The following CNTN3 variants were observed in gnomAD, a reference collection of about 807,000 sequenced individuals.
The protein encoded by CNTN3 is contactin 3, also known as contactin-3.
CNTN3 carries 60 observed loss-of-function variants against 119.1 expected under a neutral mutation model. The ratio of observed to expected loss-of-function variants is 0.50; its 90% CI spans 0.41 to 0.62. The LOEUF is 0.62. Among genes scored for constraint, CNTN3 ranks in the 20% least tolerant of loss-of-function variants. The pLI is 0.00. For missense variants in CNTN3, 1,101 were observed against 1,242.4 expected, an observed-to-expected ratio of 0.89 and a Z score of 1.71; for synonymous variants, 450 against 438.7, an observed-to-expected ratio of 1.03 and a Z score of -0.32.
Position 74,369,355 on chromosome 3 carries a change from A to G in CNTN3, c.780T>C (p.Asn260=), listed in dbSNP as rs773155335. The change falls in exon 8 of 23, where the codon AAT becomes AAC. Residue 260 remains asparagine, a synonymous_variant. Coordinates refer to ENST00000263665, the MANE Select transcript of CNTN3 (RefSeq NM_020872.3). ...ATGGCAGCCCATCACTTCTTCTCCAATTAATCTGAGGTATGGGACTAAGAA... is the reference window on the plus strand; with the variant it reads ...ATGGCAGCCCATCACTTCTTCTCCAGTTAATCTGAGGTATGGGACTAAGAA... The part of the protein sequence containing the change: ...FALGNPIPQI[N]WRRSDGLPFS... 11 of 1,602,560 alleles carry G rather than the reference A, an allele frequency of 6.9e-6. No individual in the cohort carries two copies. The South Asian group carries it at 1.0e-4, about 15-fold the overall frequency.
At chr3:74,349,384 A>G (rs776182511) in intron 11 of CNTN3, among the ~76,000 whole-genome samples, 22 of 152,214 alleles carry the variant, frequency 1.4e-4, no homozygotes, top group Non-Finnish European at 4.4e-5. Flanking sequence ...AGCTCCAGGA[A>G]GGCTTCCCAT....
chr3:74,266,720 T>C (rs1701668716), intron 21 of CNTN3, 71 bp from the exon 22 acceptor site: 2 of 1,410,976 alleles, frequency 1.4e-6, no homozygotes, highest in Non-Finnish European at 9.9e-7. Flanking sequence ...AATTTGTCTC[T>C]CTGAAATTAA....
At chr3:74,312,723 G>C (rs1019618820) in intron 13 of CNTN3, among the ~76,000 whole-genome samples, 12 of 151,986 alleles carry the variant, frequency 7.9e-5, no homozygotes, top group Admixed American at 2.6e-4. Flanking sequence ...CATTACTAGA[G>C]GCTTATTTGT....
In CNTN3 at chr3:74,371,238, G is replaced by A. The variant is rs1451001174; in HGVS notation, c.616C>T (p.Arg206Ter). ...CVVTSMVTNARVLGSPTPLVL... is the reference protein window; with the variant it reads ...CVVTSMVTNA ...AAAGGAGTTGGAGAGCCCAGCACTC[G>A]GGCATTTGTCACCATACTTGTCACC... The change falls in exon 6 of 23, where the codon CGA (arginine) becomes TGA (stop). Residue 206 changes from arginine to a stop codon, truncating the protein, a stop_gained. Transcript: ENST00000263665. LOFTEE classifies it high-confidence loss of function. 4.3e-6 allele frequency: 7 copies of A among 1,613,228 alleles called. No homozygotes were observed. Among genetic ancestry groups the A allele is most frequent in the African/African-American group, 4.0e-5 (3 of 74,854 alleles).
At chr3:74,614,063 G>A (rs1040031392) in intron 1 of CNTN3, among the ~76,000 whole-genome samples, 1 of 152,128 alleles carries the variant, frequency 6.6e-6, no homozygotes, top group Non-Finnish European at 1.5e-5. Context: ...ATCCCTAGGA[G>A]TCACAACTTT....
intron 19 of CNTN3, among the ~76,000 whole-genome samples, chr3:74,290,512 G>A (rs1430248357): frequency 2.6e-5 from 4 of 152,040 alleles, no homozygotes; most frequent in South Asian, 2.1e-4. Context: ...CACTCTGTTC[G>A]GTTTGGAATC....
intron 1 of CNTN3, among the ~76,000 whole-genome samples, chr3:74,601,269 G>A (rs1226808339): frequency 6.6e-6 from 1 of 151,954 alleles, no homozygotes; most frequent in Admixed American, 6.6e-5. Flanking sequence ...ACTTAGAGAA[G>A]GCAGTTAATT....
At chr3:74,311,608 T>C (rs1259847841) in intron 13 of CNTN3, among the ~76,000 whole-genome samples, 1 of 152,194 alleles carries the variant, frequency 6.6e-6, no homozygotes, top group East Asian at 1.9e-4. Context: ...ATTTTCTTTC[T>C]GAAATTAGAG....
intron 11 of CNTN3, among the ~76,000 whole-genome samples, chr3:74,344,706 G>A (rs1359362665): frequency 6.6e-6 from 1 of 152,008 alleles, no homozygotes; most frequent in Admixed American, 6.6e-5. Context: ...TGATCCGCCC[G>A]CCTCGGCCTC....
chr3:74,366,772 G>GTATATATA (rs1308606541), intron 8 of CNTN3, among the ~76,000 whole-genome samples: 8 of 43,490 alleles, frequency 1.8e-4, no homozygotes, highest in African/African-American at 1.0e-3. Flanking sequence ...GTGTGTGTGT[G>GTATATATA]TGTGTGTGTA....
chr3:74,310,688 T>A (rs1279692334), intron 13 of CNTN3, among the ~76,000 whole-genome samples: 1 of 152,238 alleles, frequency 6.6e-6, no homozygotes, highest in Admixed American at 6.5e-5. Flanking sequence ...TCACTCCTAT[T>A]GTTTTTTATT....
chr3:74,542,208 G>C (rs1372256109), intron 1 of CNTN3, among the ~76,000 whole-genome samples: 1 of 152,092 alleles, frequency 6.6e-6, no homozygotes, highest in East Asian at 1.9e-4. Flanking sequence ...ACTCTAGTCT[G>C]GGTAATGAAA....
chr3:74,365,358 C>T (rs1704164053), intron 9 of CNTN3, among the ~76,000 whole-genome samples: 2 of 152,038 alleles, frequency 1.3e-5, no homozygotes, highest in African/African-American at 4.8e-5. Flanking sequence ...CAGTGAAATG[C>T]CATGCTGAAA....
chr3:74,324,819 T>C (rs549049469), intron 13 of CNTN3, among the ~76,000 whole-genome samples: 192 of 152,240 alleles, frequency 1.3e-3, no homozygotes, highest in African/African-American at 4.3e-3. Flanking sequence ...AAAGATGTAA[T>C]AGACAAAGTT....
intron 4 of CNTN3, among the ~76,000 whole-genome samples, chr3:74,459,021 T>C (rs1341425722): frequency 6.6e-6 from 1 of 152,004 alleles, no homozygotes; most frequent in African/African-American, 2.4e-5. Flanking sequence ...AATGAAAGAC[T>C]GCTAGAATTA....
intron 5 of CNTN3, among the ~76,000 whole-genome samples, chr3:74,384,032 AT>A: frequency 6.6e-6 from 1 of 152,334 alleles, no homozygotes; most frequent in East Asian, 1.9e-4. Context: ...TAGAAAGGGC[AT>A]TGGCCTTTCA....
rs1447686332 is a variant in CNTN3 at position 74,366,780 on chromosome 3, G to GTGTATA, written c.947-1079_947-1078insTATACA. On this transcript the variant is annotated intron_variant, in intron 8 of 22. Transcript: ENST00000263665. ...TGTGCGTGTGTGTGTGTGTGTGTGT[G>GTGTATA]TATATATATATATATATATATATAT... 2.6e-3 allele frequency among the ~76,000 whole-genome samples: 163 copies of GTGTATA among 63,704 alleles called. 2 individuals are homozygous for GTGTATA. Among genetic ancestry groups the GTGTATA allele is most frequent in the East Asian group, 0.022 (41 of 1,834 alleles). The allele number at this position is 63,704 out of a possible 152,430, so 41.8% of individuals were successfully genotyped here. A position where few individuals can be genotyped will look rare whatever the true frequency, so the allele number is the denominator to read the frequency against.
intron 5 of CNTN3, among the ~76,000 whole-genome samples, chr3:74,423,185 A>G (rs1236675017): frequency 6.6e-6 from 1 of 152,150 alleles, no homozygotes; most frequent in African/African-American, 2.4e-5. Flanking sequence ...CAGGGAGCGG[A>G]CCCCTAAATA....
intron 4 of CNTN3, among the ~76,000 whole-genome samples, chr3:74,462,908 C>A (rs1408017088): frequency 6.6e-6 from 1 of 152,074 alleles, no homozygotes; most frequent in African/African-American, 2.4e-5. Context: ...TTTTCATATT[C>A]TTCCATGCCC....
Sources: gnomAD v4.1 joint callset for allele counts (sites outside exome capture counted in the v4.1 genomes callset) on GRCh38, gnomAD v4.1.1 for gene constraint, MANE v1.5 for transcripts, NCBI Gene and HGNC (gene_info 2026-07-23, HGNC 2026-07-21) for gene names.